Variants in PPARGC1A observed in about 807,000 individuals in gnomAD.
PPARGC1A encodes the protein peroxisome proliferator-activated receptor gamma coactivator 1-alpha.
In PPARGC1A, 25 loss-of-function variants were observed where a neutral mutation model predicts 88.7. The observed-to-expected ratio is 0.28, with a 90% confidence interval of 0.21 to 0.39. The LOEUF (loss-of-function observed/expected upper bound fraction) is 0.39. PPARGC1A is among the 10% of genes least tolerant of loss of function. The probability of loss-of-function intolerance (pLI) is 1.00; values close to 1 mark genes in which losing one functional copy is unlikely to be tolerated. For synonymous variants in PPARGC1A, 363 were observed against 355.6 expected (o/e 1.02, Z -0.24); for missense variants, 880 against 968.7 (o/e 0.91, Z 1.22).
At chr4:24,266,370 T>G in the PPARGC1A span, among the ~76,000 whole-genome samples, 1 of 152,254 alleles carries the variant, frequency 6.6e-6, no homozygotes, top group African/African-American at 2.4e-5. Flanking sequence ...ATGCAGATGA[T>G]GCAGGTGGAA....
At chr4:24,114,851 G>C in the PPARGC1A span, among the ~76,000 whole-genome samples, 2 of 152,282 alleles carry the variant, frequency 1.3e-5, no homozygotes, top group Admixed American at 1.3e-4. Flanking sequence ...TGGGTAAATA[G>C]AAATTCCTTA....
chr4:23,849,448 T>C (rs1728885951), intron 2 of PPARGC1A, among the ~76,000 whole-genome samples: 1 of 152,170 alleles, frequency 6.6e-6, no homozygotes, highest in Non-Finnish European at 1.5e-5. Context: ...GCATAGCTGA[T>C]AAAAAGGCTC....
At chr4:24,058,157 C>A in the PPARGC1A span, among the ~76,000 whole-genome samples, 3 of 152,168 alleles carry the variant, frequency 2.0e-5, no homozygotes, top group Non-Finnish European at 4.4e-5. Flanking sequence ...GGCCTGGGGG[C>A]CGGCCCATCG....
At chr4:24,129,745 C>T in the PPARGC1A span, among the ~76,000 whole-genome samples, 1 of 152,082 alleles carries the variant, frequency 6.6e-6, no homozygotes. Context: ...TGCAACCAAC[C>T]CAAATGTCCA....
chr4:24,330,288 G>A, the PPARGC1A span, among the ~76,000 whole-genome samples: 9 of 152,308 alleles, frequency 5.9e-5, no homozygotes, highest in East Asian at 1.4e-3. Context: ...TCCAGTTTCT[G>A]TGTCGGAATG....
In PPARGC1A at chr4:23,801,868, A is replaced by C. The variant is rs535736289; in HGVS notation, c.2155T>G (p.Phe719Val). The change falls in exon 12 of 13, where the codon TTC becomes GTC. Residue 719 changes from phenylalanine to valine, a missense_variant. Transcript: ENST00000264867. Reference protein sequence around the residue: ...NLRDDGDSYGFITYRYTCDAF... With the variant: ...NLRDDGDSYGVITYRYTCDAF... ...TCACAGGTATAACGGTAGGTAATGA[A>C]ACCATAGCTGTCTCTGCAACGGACA... 2.5e-6 allele frequency: 4 copies of C among 1,613,896 alleles called. No homozygotes were observed. The highest frequency in any genetic ancestry group is 3.4e-6 in the Non-Finnish European group (4 of 1,179,966).
chr4:24,061,455 G>T, the PPARGC1A span, among the ~76,000 whole-genome samples: 2 of 152,288 alleles, frequency 1.3e-5, no homozygotes, highest in East Asian at 3.9e-4. Context: ...CTTCCTTTGG[G>T]CTCCTACCAA....
the PPARGC1A span, among the ~76,000 whole-genome samples, chr4:24,333,934 C>CAAAAAAAAAAAAAAAAAAAAAAAAAAAAA: frequency 1.4e-4 from 2 of 14,146 alleles, 1 homozygote; most frequent in Non-Finnish European, 3.9e-4. Context: ...ACTCCAACAA[C>CAAAAAAAAAAAAAAAAAAAAAAAAAAAAA]AACAACAAAA....
At chr4:23,910,265 A>T in the PPARGC1A span, among the ~76,000 whole-genome samples, 2 of 102,604 alleles carry the variant, frequency 1.9e-5, no homozygotes, top group Non-Finnish European at 3.7e-5. Flanking sequence ...TATATATATT[A>T]ATATATATTA....
the PPARGC1A span, among the ~76,000 whole-genome samples, chr4:24,183,745 C>T: frequency 6.6e-6 from 1 of 152,154 alleles, no homozygotes; most frequent in Non-Finnish European, 1.5e-5. Flanking sequence ...AACATCTGAT[C>T]TTGAAAAGGA....
At chr4:24,174,393 A>T in the PPARGC1A span, among the ~76,000 whole-genome samples, 1 of 152,228 alleles carries the variant, frequency 6.6e-6, no homozygotes, top group African/African-American at 2.4e-5. Context: ...GTCAGTTAAG[A>T]GGCCTGATAA....
At chr4:24,335,009 C>T in the PPARGC1A span, among the ~76,000 whole-genome samples, 1 of 152,228 alleles carries the variant, frequency 6.6e-6, no homozygotes, top group Non-Finnish European at 1.5e-5. Context: ...CAGAGGTTTC[C>T]ATATTGTATT....
chr4:23,979,922 T>C, the PPARGC1A span, among the ~76,000 whole-genome samples: 900 of 152,250 alleles, frequency 5.9e-3, 5 homozygotes, highest in Admixed American at 0.01. Flanking sequence ...CCTCTCTCTA[T>C]GAACAGCCTT....
At chr4:24,432,489 T>C in the PPARGC1A span, among the ~76,000 whole-genome samples, 8 of 152,316 alleles carry the variant, frequency 5.3e-5, no homozygotes, top group African/African-American at 1.9e-4. Context: ...TGACTTCATA[T>C]GGTGTCAATC....
At chr4:24,344,217 C>T in the PPARGC1A span, among the ~76,000 whole-genome samples, 2 of 152,036 alleles carry the variant, frequency 1.3e-5, no homozygotes, top group Non-Finnish European at 2.9e-5. Context: ...AATGTGTGCA[C>T]AAGTATCTTT....
At chr4:24,260,535 G>T in the PPARGC1A span, among the ~76,000 whole-genome samples, 14 of 152,176 alleles carry the variant, frequency 9.2e-5, no homozygotes, top group Admixed American at 4.6e-4. Flanking sequence ...ATCAACATGG[G>T]AATCGCTAAT....
chr4:24,379,730 G>A, the PPARGC1A span, among the ~76,000 whole-genome samples: 1 of 151,420 alleles, frequency 6.6e-6, no homozygotes, highest in Non-Finnish European at 1.5e-5. Context: ...AATGTGAGTG[G>A]TGGGCATATG....
At chr4:24,026,247 C>T in the PPARGC1A span, among the ~76,000 whole-genome samples, 2 of 152,148 alleles carry the variant, frequency 1.3e-5, no homozygotes, top group Non-Finnish European at 2.9e-5. Flanking sequence ...AGTTGCCCTC[C>T]ACCTGACTAT....
chr4:24,059,345 A>G, the PPARGC1A span, among the ~76,000 whole-genome samples: 4 of 152,182 alleles, frequency 2.6e-5, no homozygotes, highest in East Asian at 7.7e-4. Flanking sequence ...CCAAAGTATC[A>G]TTTGTTTAGG....
Sources: allele counts gnomAD v4.1 joint callset (sites outside exome capture counted in the v4.1 genomes callset), GRCh38; gene constraint gnomAD v4.1.1; transcripts MANE v1.5; gene names NCBI Gene and HGNC (gene_info 2026-07-23, HGNC 2026-07-21).